Variants in IGSF11 observed in about 807,000 individuals in gnomAD.
IGSF11 encodes the protein CXADR like 1.
A neutral mutation model predicts 41.0 loss-of-function variants in IGSF11; 22 were observed. That is an observed-to-expected ratio of 0.54 (90% confidence interval 0.38 to 0.77). IGSF11 has a LOEUF of 0.77. IGSF11 is among the 30% of genes least tolerant of loss of function. IGSF11 has a pLI of 0.00. For synonymous variants in IGSF11, 219 were observed against 201.3 expected (o/e 1.09, Z -0.74); for missense variants, 444 against 530.8 (o/e 0.84, Z 1.61).
intron 4 of IGSF11, among the ~76,000 whole-genome samples, chr3:118,923,128 GCTT>G (rs1941989456): frequency 6.6e-6 from 1 of 152,140 alleles, no homozygotes; most frequent in Admixed American, 6.6e-5. Context: ...GTTCCAGGAA[GCTT>G]TTCTGAGCCT....
chr3:118,955,217 CAT>C (rs1463350439), intron 1 of IGSF11, among the ~76,000 whole-genome samples: 4 of 120,914 alleles, frequency 3.3e-5, no homozygotes, highest in East Asian at 2.3e-4. Context: ...TGTATATGTA[CAT>C]ACACACACAC....
chr3:118,902,492 A>G lies in IGSF11; in HGVS notation c.*28T>C, dbSNP rs774038380. 1.1e-4 allele frequency: 151 copies of G among 1,396,972 alleles called. 1 individual carries two copies. The highest frequency in any genetic ancestry group is 1.5e-4 in the Non-Finnish European group (149 of 1,024,220). 86.5% of individuals were successfully genotyped at this position (1,396,972 alleles called of 1,614,324 possible). On this transcript the variant is annotated 3_prime_UTR_variant, in exon 7 of 7. Transcript: ENST00000393775. ...TTGTATGAGGGCATTCCATTTATTC[A>G]TTTCTGAACACAACATTTCCTCATG...
At chr3:118,921,391 A>C (rs1941776185) in intron 4 of IGSF11, among the ~76,000 whole-genome samples, 1 of 152,332 alleles carries the variant, frequency 6.6e-6, no homozygotes, top group African/African-American at 2.4e-5. Flanking sequence ...GAGTTTAGCA[A>C]GATAGATTTT....
chr3:119,067,138 A>C (rs1233316643), intron 1 of IGSF11, among the ~76,000 whole-genome samples: 2 of 152,200 alleles, frequency 1.3e-5, no homozygotes, highest in African/African-American at 4.8e-5. Flanking sequence ...GTATTTAAAA[A>C]ATGATACAAA....
chr3:118,912,390 G>A (rs1325747444), intron 4 of IGSF11, among the ~76,000 whole-genome samples: 1 of 152,180 alleles, frequency 6.6e-6, no homozygotes, highest in Admixed American at 6.5e-5. Context: ...TCCATGGCTT[G>A]ATATGCAGCT....
At chr3:119,103,961 T>C (rs1452446852) in intron 1 of IGSF11, among the ~76,000 whole-genome samples, 1 of 152,240 alleles carries the variant, frequency 6.6e-6, no homozygotes, top group Non-Finnish European at 1.5e-5. Context: ...ATATTGTGGC[T>C]AAGGTTTATA....
intron 1 of IGSF11, among the ~76,000 whole-genome samples, chr3:119,083,649 C>T (rs1186841957): frequency 6.6e-6 from 1 of 152,074 alleles, no homozygotes; most frequent in Non-Finnish European, 1.5e-5. Flanking sequence ...ATTCTTATCA[C>T]CTAGAGACAT....
chr3:118,985,111 C>T (rs537475914), intron 1 of IGSF11, among the ~76,000 whole-genome samples: 1 of 152,132 alleles, frequency 6.6e-6, no homozygotes, highest in Non-Finnish European at 1.5e-5. Flanking sequence ...CTCCCAGAGG[C>T]ATCAGAATAT....
At chr3:118,910,088 ACCCACTT>A (rs2107481087) in intron 4 of IGSF11, among the ~76,000 whole-genome samples, 1 of 152,234 alleles carries the variant, frequency 6.6e-6, no homozygotes, top group East Asian at 1.9e-4. Context: ...CTTCTCTCCT[ACCCACTT>A]CTGTTGACTC....
chr3:118,927,502 C>A (rs1018838753), intron 3 of IGSF11, among the ~76,000 whole-genome samples: 2 of 151,850 alleles, frequency 1.3e-5, no homozygotes, highest in East Asian at 1.9e-4. Flanking sequence ...AATAGAAATC[C>A]CCGACTTGGT....
At chr3:118,985,874 T>TA (rs894621432) in intron 1 of IGSF11, among the ~76,000 whole-genome samples, 2 of 152,134 alleles carry the variant, frequency 1.3e-5, no homozygotes, top group Admixed American at 6.6e-5. Context: ...GAGTGATTCT[T>TA]AAAAAATGCA....
chr3:119,008,404 T>C (rs1226964205), intron 1 of IGSF11, among the ~76,000 whole-genome samples: 1 of 152,202 alleles, frequency 6.6e-6, no homozygotes, highest in Non-Finnish European at 1.5e-5. Flanking sequence ...ATTTTTTCTC[T>C]ACTCCTCTAT....
chr3:118,997,073 T>C lies in IGSF11; in HGVS notation c.52+37458A>G, dbSNP rs367749231. Among the ~76,000 whole-genome samples the C allele has an allele frequency of 3.3e-5, 5 of 150,388 alleles. No individual in the cohort carries two copies. In the East Asian group the frequency reaches 5.8e-4, roughly 17 times the overall value. On this transcript the variant is annotated intron_variant, in intron 1 of 6. Coordinates refer to ENST00000393775, the MANE Select transcript of IGSF11 (RefSeq NM_001015887.3). ...ATGGGATGTGCAAGGGGTGACCCTA[T>C]GGCAACTGGTAGTAGGAGCCTGAAT...
At chr3:119,077,443 C>T (rs1039259471) in intron 1 of IGSF11, among the ~76,000 whole-genome samples, 8 of 151,946 alleles carry the variant, frequency 5.3e-5, no homozygotes, top group African/African-American at 1.9e-4. Flanking sequence ...CACTGTACCT[C>T]ATAAATATGT....
intron 1 of IGSF11, among the ~76,000 whole-genome samples, chr3:118,978,551 G>T (rs1259084578): frequency 6.6e-6 from 1 of 152,140 alleles, no homozygotes; most frequent in Non-Finnish European, 1.5e-5. Context: ...GGCAGGCACA[G>T]TCAGCTCCCT....
chr3:119,061,981 T>C (rs1325929601), intron 1 of IGSF11, among the ~76,000 whole-genome samples: 3 of 152,160 alleles, frequency 2.0e-5, no homozygotes, highest in Admixed American at 6.5e-5. Flanking sequence ...TGCTATATTA[T>C]TAATAACATT....
chr3:119,108,484 T>G (rs887509956), upstream of IGSF11, among the ~76,000 whole-genome samples: 13 of 150,950 alleles, frequency 8.6e-5, no homozygotes, highest in Admixed American at 1.3e-4. Context: ...TGAGGAGATT[T>G]TGGGCTGAGA....
chr3:118,908,716 G>A (rs952852072), intron 4 of IGSF11, among the ~76,000 whole-genome samples: 2 of 152,116 alleles, frequency 1.3e-5, no homozygotes, highest in Non-Finnish European at 2.9e-5. Flanking sequence ...CACCAGCTAC[G>A]TATCTGGCAC....
upstream of IGSF11, among the ~76,000 whole-genome samples, chr3:119,037,586 C>T (rs1940964049): frequency 1.3e-5 from 2 of 152,132 alleles, no homozygotes; most frequent in Admixed American, 6.5e-5. Flanking sequence ...ATGAGGAATC[C>T]TGGTAGAAGA....
Sources: allele counts gnomAD v4.1 joint callset (sites outside exome capture counted in the v4.1 genomes callset), GRCh38; gene constraint gnomAD v4.1.1; transcripts MANE v1.5; gene names NCBI Gene and HGNC (gene_info 2026-07-23, HGNC 2026-07-21).